Variants in REV3L observed in about 807,000 individuals in gnomAD.
REV3L encodes REV3 like, DNA directed polymerase zeta catalytic subunit, also known as DNA polymerase zeta catalytic subunit.
REV3L carries 69 observed loss-of-function variants against 299.4 expected under a neutral mutation model. That is an observed-to-expected ratio of 0.23 (90% CI 0.19 to 0.28). The LOEUF is 0.28. Among genes scored for constraint, REV3L ranks in the 10% least tolerant of loss-of-function variants. The probability of loss-of-function intolerance (pLI) is 1.00; values close to 1 mark genes in which losing one functional copy is unlikely to be tolerated. For synonymous variants in REV3L, 1,238 were observed against 1,271.4 expected, an observed-to-expected ratio of 0.97 and a Z score of 0.56; for missense variants, 3,128 against 3,693.8, an observed-to-expected ratio of 0.85 and a Z score of 3.97.
rs374450459 is a variant in REV3L, at chr6:111,427,523, C to T, written c.140-11051G>A. The stretch of plus-strand genomic sequence containing the variant: ...GCTGACACGATCATGAGCAATATCC[C>T]GAACTCAAATATGAGGAGACAGTTC... On this transcript the variant is annotated intron_variant, in intron 1 of 31. Transcript: ENST00000368802. Among the ~76,000 whole-genome samples, 8 of 152,112 alleles carry T rather than the reference C, an allele frequency of 5.3e-5. No homozygotes were observed. In the South Asian group the frequency reaches 6.2e-4, roughly 12 times the overall value.
intron 1 of REV3L, among the ~76,000 whole-genome samples, chr6:111,471,320 T>C (rs767107671): frequency 6.6e-6 from 1 of 152,144 alleles, no homozygotes; most frequent in Non-Finnish European, 1.5e-5. Flanking sequence ...GGACCACTTA[T>C]AAAACATAGC....
intron 5 of REV3L, among the ~76,000 whole-genome samples, chr6:111,391,053 G>C (rs1318518892): frequency 6.6e-6 from 1 of 150,998 alleles, no homozygotes; most frequent in Non-Finnish European, 1.5e-5. Flanking sequence ...CTTTTGATTT[G>C]AAACACTTTG....
chr6:111,351,496 T>A (rs1028218806), intron 19 of REV3L, among the ~76,000 whole-genome samples, 180 bp downstream of exon 19: 11 of 152,198 alleles, frequency 7.2e-5, no homozygotes, highest in African/African-American at 2.7e-4. Flanking sequence ...GCAGTGAGAC[T>A]AGAATATTTT....
intron 11 of REV3L, among the ~76,000 whole-genome samples, chr6:111,378,560 C>G (rs775318303): frequency 1.3e-5 from 2 of 152,030 alleles, no homozygotes; most frequent in Non-Finnish European, 2.9e-5. Context: ...CTACCCAATG[C>G]GAAAACCTCA....
At chr6:111,325,111 T>C (rs1774632655) in intron 25 of REV3L, among the ~76,000 whole-genome samples, 1 of 152,232 alleles carries the variant, frequency 6.6e-6, no homozygotes, top group Non-Finnish European at 1.5e-5. Flanking sequence ...TCCACCCGCC[T>C]TGGCCTCCCA....
chr6:111,313,265 A>G, intron 28 of REV3L, 87 bp downstream of exon 28: 1 of 1,196,466 alleles, frequency 8.4e-7, no homozygotes. Flanking sequence ...TCCTTCACCT[A>G]GATGCATGTT....
chr6:111,448,332 C>CT (rs1180380970), intron 1 of REV3L, among the ~76,000 whole-genome samples: 4 of 151,682 alleles, frequency 2.6e-5, no homozygotes, highest in African/African-American at 7.3e-5. Context: ...TGGAGGTTTT[C>CT]TTTTTTTTCT....
At chr6:111,360,058 C>T (rs535123671) in intron 16 of REV3L, among the ~76,000 whole-genome samples, 58 of 152,054 alleles carry the variant, frequency 3.8e-4, no homozygotes, top group African/African-American at 1.3e-3. Flanking sequence ...GATGTTTACT[C>T]GAGAATAGCA....
chr6:111,445,106 G>A (rs1162319501), intron 1 of REV3L, among the ~76,000 whole-genome samples: 1 of 152,206 alleles, frequency 6.6e-6, no homozygotes, highest in Non-Finnish European at 1.5e-5. Context: ...AACTGCCTTG[G>A]AAGGGAAGAA....
At chr6:111,458,978 A>T (rs1790458519) in intron 1 of REV3L, among the ~76,000 whole-genome samples, 1 of 152,146 alleles carries the variant, frequency 6.6e-6, no homozygotes, top group Non-Finnish European at 1.5e-5. Context: ...CAGCCAAAGC[A>T]ATCCTAAGCA....
chr6:111,471,695 G>C (rs1412748601), intron 1 of REV3L, among the ~76,000 whole-genome samples: 5 of 152,142 alleles, frequency 3.3e-5, no homozygotes, highest in Non-Finnish European at 2.9e-5. Context: ...AACTTGCTCG[G>C]GGTCTCTCAG....
intron 25 of REV3L, 68 bp downstream of exon 25, chr6:111,329,461 ACAG>A: frequency 7.1e-7 from 1 of 1,416,518 alleles, no homozygotes; most frequent in South Asian, 1.2e-5. Flanking sequence ...AACTGGGAAT[ACAG>A]GTGAGTGCCA....
chr6:111,372,444 T>C, intron 13 of REV3L, 152 bp downstream of exon 13: 1 of 516,732 alleles, frequency 1.9e-6, no homozygotes, highest in Non-Finnish European at 3.1e-6. Flanking sequence ...AGAAATACTT[T>C]CCACAATGAT....
chr6:111,336,062 C>CAA (rs5879103), intron 21 of REV3L, among the ~76,000 whole-genome samples: 47 of 143,840 alleles, frequency 3.3e-4, no homozygotes, highest in South Asian at 6.5e-4. Flanking sequence ...ATGTTCATGG[C>CAA]AAAAAAAAAA....
chr6:111,316,200 T>TGCA (rs1179072082), intron 26 of REV3L, among the ~76,000 whole-genome samples: 1 of 144,320 alleles, frequency 6.9e-6, no homozygotes, highest in African/African-American at 2.6e-5. Flanking sequence ...ATTATACTAC[T>TGCA]GCACTGCAGC....
rs144497761 is a variant in REV3L at position 111,338,312 on chromosome 6, CTTTTTTTTT to C, written c.7539-2711_7539-2703del. On this transcript the variant is annotated intron_variant, in intron 21 of 31. Coordinates refer to ENST00000368802, the MANE Select transcript of REV3L (RefSeq NM_001372078.1). ...TCTTTGTTTACTCCAGTCTAAAGTC[CTTTTTTTTT>C]TTTTTTTTTTTTTTTTTTTTTTTTT... is the stretch of plus-strand genomic sequence containing the variant. Among the ~76,000 whole-genome samples, 19 of 47,906 alleles carry C rather than the reference CTTTTTTTTT, an allele frequency of 4.0e-4. 1 individual carries two copies. Among genetic ancestry groups the C allele is most frequent in the East Asian group, 2.4e-3 (2 of 832 alleles). 31.4% of individuals were successfully genotyped at this position (47,906 alleles called of 152,430 possible). A position where few individuals can be genotyped will look rare whatever the true frequency, so the allele number is the denominator to read the frequency against.
chr6:111,466,116 T>C (rs904517893), intron 1 of REV3L, among the ~76,000 whole-genome samples: 13 of 152,182 alleles, frequency 8.5e-5, no homozygotes, highest in African/African-American at 2.9e-4. Context: ...AAATGGAGGT[T>C]ATATTACTAT....
At chr6:111,386,882 C>T (rs1034135618) in intron 9 of REV3L, among the ~76,000 whole-genome samples, 6 of 151,824 alleles carry the variant, frequency 4.0e-5, no homozygotes, top group South Asian at 2.1e-4. Flanking sequence ...CCACCACGCC[C>T]GGCTAATTTT....
In REV3L at chr6:111,375,436, A is replaced by G. The variant is rs1249524611; in HGVS notation, c.2919T>C (p.Pro973=). The change falls in exon 13 of 32, where the codon CCT becomes CCC. Residue 973 remains proline (P), a synonymous_variant. Transcript: ENST00000368802. The stretch of plus-strand genomic sequence containing the variant: ...TAATAATAATATACTTTATGATGAC[A>G]GGGGGCAGCTTTTTAGACATTTTTC... The part of the protein sequence containing the change: ...KRRKMSKKLP[P]VIIKYIIINR... 4 of 1,600,116 alleles carry G rather than the reference A, an allele frequency of 2.5e-6. No homozygotes were observed. In the African/African-American group the frequency reaches 4.1e-5, roughly 16 times the overall value.
Sources: allele counts gnomAD v4.1 joint callset (sites outside exome capture counted in the v4.1 genomes callset), GRCh38; gene constraint gnomAD v4.1.1; transcripts MANE v1.5; gene names NCBI Gene and HGNC (gene_info 2026-07-23, HGNC 2026-07-21).